Variants in LRRN3 observed in about 807,000 individuals in gnomAD.
LRRN3 encodes the protein leucine rich repeat neuronal 3, also known as leucine-rich repeat neuronal protein 3.
Under a neutral mutation model 40.1 loss-of-function variants are expected in LRRN3, and 15 were observed. The ratio of observed to expected loss-of-function variants is 0.37; its 90% CI spans 0.25 to 0.58. LRRN3 has a LOEUF of 0.58. LRRN3 is among the 20% of genes least tolerant of loss of function. LRRN3 has a pLI of 0.72. For missense variants in LRRN3, 746 were observed against 837.7 expected (o/e 0.89, Z 1.35); for synonymous variants, 308 against 297.2 (o/e 1.04, Z -0.37).
At chr7:111,109,475 C>A (rs1305924462) in intron 2 of LRRN3, among the ~76,000 whole-genome samples, 1 of 152,108 alleles carries the variant, frequency 6.6e-6, no homozygotes, top group Non-Finnish European at 1.5e-5. Context: ...GAAGGTGTTT[C>A]ATTAACAACT....
intron 2 of LRRN3, among the ~76,000 whole-genome samples, chr7:111,113,438 AG>A (rs1300853416): frequency 6.6e-6 from 1 of 152,016 alleles, no homozygotes; most frequent in Non-Finnish European, 1.5e-5. Flanking sequence ...AAGGCCCTAG[AG>A]AGTAGTGCTT....
chr7:111,099,462 G>A (rs1797741269), intron 1 of LRRN3, among the ~76,000 whole-genome samples: 2 of 151,676 alleles, frequency 1.3e-5, no homozygotes, highest in Admixed American at 6.6e-5. Flanking sequence ...TGAGGATGCT[G>A]AGCCAAACCT....
At chr7:111,094,013 G>T (rs1398146665) in intron 1 of LRRN3, among the ~76,000 whole-genome samples, 2 of 152,112 alleles carry the variant, frequency 1.3e-5, no homozygotes, top group African/African-American at 4.8e-5. Context: ...CAGCAATTTA[G>T]TGACCTACAA....
intron 2 of LRRN3, among the ~76,000 whole-genome samples, chr7:111,110,605 T>C (rs1432541173): frequency 3.3e-5 from 5 of 152,224 alleles, no homozygotes; most frequent in East Asian, 3.9e-4. Flanking sequence ...AGAATATATA[T>C]AAAAACATAA....
intron 2 of LRRN3, among the ~76,000 whole-genome samples, chr7:111,100,498 C>T (rs978813044): frequency 6.7e-6 from 1 of 148,708 alleles, no homozygotes; most frequent in Non-Finnish European, 1.5e-5. Flanking sequence ...ATAAGTGCAT[C>T]AAACTTTACA....
At chr7:111,114,399 A>G (rs2129584836) in intron 2 of LRRN3, among the ~76,000 whole-genome samples, 1 of 152,284 alleles carries the variant, frequency 6.6e-6, no homozygotes, top group South Asian at 2.1e-4. Context: ...TCTCTGAGTA[A>G]ATCCTATCGG....
rs116420114 is a variant in LRRN3 at position 111,109,789 on chromosome 7, T to C, written c.-359+9827T>C. Among the ~76,000 whole-genome samples, 674 of 152,306 alleles carry C rather than the reference T, an allele frequency of 4.4e-3. 6 individuals are homozygous for C. The highest frequency in any genetic ancestry group is 0.016 in the African/African-American group (654 of 41,576). ...TGACTACTATCGCTGTTTTCATTGTTTGTTGCTATTGTTATATGATGGAAA... is the reference window on the plus strand; with the variant it reads ...TGACTACTATCGCTGTTTTCATTGTCTGTTGCTATTGTTATATGATGGAAA... On this transcript the variant is annotated intron_variant, in intron 2 of 2. Coordinates refer to ENST00000308478, the MANE Select transcript of LRRN3 (RefSeq NM_001099658.2).
intron 2 of LRRN3, among the ~76,000 whole-genome samples, chr7:111,113,259 T>G (rs1799456607): frequency 6.6e-6 from 1 of 152,236 alleles, no homozygotes; most frequent in Non-Finnish European, 1.5e-5. Context: ...CAAACTGAGT[T>G]AATCAAGGAA....
rs756604285 is a variant in LRRN3, at chr7:111,124,562, C to A, written c.1790C>A (p.Thr597Asn). 6.2e-7 allele frequency: 1 copy of A among 1,613,478 alleles called. No individual in the cohort carries two copies. Among genetic ancestry groups the A allele is most frequent in the South Asian group, 1.1e-5 (1 of 91,066 alleles). Reference protein sequence around the residue: ...TEYKICIDIPTIYQKNRKKCV... With the variant: ...TEYKICIDIPNIYQKNRKKCV... ...TATAAAATTTGTATTGATATTCCCA[C>A]CATCTATCAGAAAAACAGAAAAAAA... The change falls in exon 3 of 3, where the codon ACC becomes AAC. Residue 597 changes from threonine to asparagine, a missense_variant. Coordinates refer to ENST00000308478, the MANE Select transcript of LRRN3 (RefSeq NM_001099658.2).
At position 111,125,071 on chromosome 7, in the gene LRRN3, T is replaced by G. The variant is rs1325860938; in HGVS notation, c.*172T>G. The G allele has an allele frequency of 1.9e-6, 1 of 525,700 alleles. No homozygotes were observed. The highest frequency in any genetic ancestry group is 3.4e-6 in the Non-Finnish European group (1 of 297,294). 32.6% of individuals were successfully genotyped at this position (525,700 alleles called of 1,614,324 possible). A position where few individuals can be genotyped will look rare whatever the true frequency, so the allele number is the denominator to read the frequency against. The stretch of plus-strand genomic sequence containing the variant: ...GCTGCTCCTGACCAATGGAAATATG[T>G]ACAACTTCAGCATTTTAAGTAACTG... On this transcript the variant is annotated 3_prime_UTR_variant, in exon 3 of 3. Transcript: ENST00000308478.
chr7:111,114,591 C>A (rs1335257839), intron 2 of LRRN3, among the ~76,000 whole-genome samples: 1 of 151,790 alleles, frequency 6.6e-6, no homozygotes, highest in Non-Finnish European at 1.5e-5. Context: ...CAAACATTCG[C>A]TGGGTGTGGT....
At chr7:111,111,942 G>GTTTTTTTT (rs748410980) in intron 2 of LRRN3, among the ~76,000 whole-genome samples, 74 of 84,124 alleles carry the variant, frequency 8.8e-4, no homozygotes, top group East Asian at 1.8e-3. Flanking sequence ...TATATAGTTT[G>GTTTTTTTT]TTTTTTTTTT....
At chr7:111,106,204 C>G (rs1004326425) in intron 2 of LRRN3, among the ~76,000 whole-genome samples, 1 of 151,884 alleles carries the variant, frequency 6.6e-6, no homozygotes, top group African/African-American at 2.4e-5. Flanking sequence ...CTACTTACTT[C>G]TCAATTGGGA....
intron 2 of LRRN3, among the ~76,000 whole-genome samples, chr7:111,114,738 C>CA (rs567078227): frequency 0.18 from 11,290 of 62,024 alleles, 1,181 homozygotes; most frequent in African/African-American, 0.38. Context: ...GACTCCATCT[C>CA]AAAAAAAAAA....
chr7:111,096,476 A>T (rs1797407742), intron 1 of LRRN3, among the ~76,000 whole-genome samples: 1 of 150,826 alleles, frequency 6.6e-6, no homozygotes, highest in Non-Finnish European at 1.5e-5. Flanking sequence ...TCTTAATTTA[A>T]ATCACAGCTA....
intron 2 of LRRN3, among the ~76,000 whole-genome samples, chr7:111,120,790 C>G (rs1416403179): frequency 6.6e-6 from 1 of 152,076 alleles, no homozygotes; most frequent in African/African-American, 2.4e-5. Flanking sequence ...ACAGCTAATA[C>G]CACTACATCT....
chr7:111,121,254 T>C (rs918449951), intron 2 of LRRN3, among the ~76,000 whole-genome samples: 1 of 152,202 alleles, frequency 6.6e-6, no homozygotes, highest in Non-Finnish European at 1.5e-5. Context: ...TTCTGGATAT[T>C]AGCTGTCTGT....
rs1800831084 is a variant in LRRN3 at position 111,122,945 on chromosome 7, T to C, written c.173T>C (p.Leu58Ser). 6.2e-7 allele frequency: 1 copy of C among 1,613,938 alleles called. No homozygotes were observed. The highest frequency in any genetic ancestry group is 8.5e-7 in the Non-Finnish European group (1 of 1,179,976). The stretch of plus-strand genomic sequence containing the variant: ...GCATCTACAGTGGATTGTAATGATT[T>C]AGGTCTTTTAACTTTCCCAGCCAGA... The part of the protein sequence containing the change: ...MEASTVDCND[L>S]GLLTFPARLP... The change falls in exon 3 of 3, where the codon TTA (leucine) becomes TCA (serine). Residue 58 changes from leucine (L) to serine (S), a missense_variant. Transcript: ENST00000308478.
intron 2 of LRRN3, among the ~76,000 whole-genome samples, chr7:111,100,365 TC>T (rs1169978382): frequency 2.7e-5 from 4 of 149,800 alleles, no homozygotes; most frequent in African/African-American, 4.9e-5. Flanking sequence ...GTTTTAAACT[TC>T]TCAGCCAAGA....
Sources: gnomAD v4.1 joint callset for allele counts (sites outside exome capture counted in the v4.1 genomes callset) on GRCh38, gnomAD v4.1.1 for gene constraint, MANE v1.5 for transcripts, NCBI Gene and HGNC (gene_info 2026-07-23, HGNC 2026-07-21) for gene names.